Variants in QTMAN observed in about 807,000 individuals in gnomAD.
QTMAN encodes the protein tRNA-queuosine alpha-mannosyltransferase.
At chr2:144,204,165 GA>G in the QTMAN span, among the ~76,000 whole-genome samples, 1 of 152,186 alleles carries the variant, frequency 6.6e-6, no homozygotes, top group Admixed American at 6.5e-5. Context: ...TTAAACTAAA[GA>G]GCTTCTGCAC....
the QTMAN span, chr2:144,146,017 A>AAAAAAAAAC: frequency 4.9e-6 from 1 of 202,170 alleles, no homozygotes; most frequent in East Asian, 9.4e-5. Context: ...AAAAAAAAAA[A>AAAAAAAAAC]AGCCGGATGG....
chr2:144,215,248 T>TAA, the QTMAN span, among the ~76,000 whole-genome samples: 2 of 147,558 alleles, frequency 1.4e-5, no homozygotes, highest in African/African-American at 5.1e-5. Context: ...TCTTTATTTT[T>TAA]TAAAAAAAAA....
chr2:144,175,670 CAGAGAG>C, the QTMAN span, among the ~76,000 whole-genome samples: 6,854 of 148,302 alleles, frequency 0.046, 508 homozygotes, highest in African/African-American at 0.16. Context: ...TATATATTTA[CAGAGAG>C]AGAGAGAGAG....
chr2:144,023,085 C>G, the QTMAN span, among the ~76,000 whole-genome samples: 1 of 151,822 alleles, frequency 6.6e-6, no homozygotes, highest in Admixed American at 6.6e-5. Context: ...GAATCTAATC[C>G]TATAGGAAGT....
chr2:143,940,284 GCT>G, the QTMAN span: 8 of 152,190 alleles, frequency 5.3e-5, no homozygotes, highest in Non-Finnish European at 1.0e-4. Context: ...ACTATGAGCA[GCT>G]CTGTTTCTCA....
the QTMAN span, among the ~76,000 whole-genome samples, chr2:144,051,003 A>G: frequency 6.6e-6 from 1 of 152,176 alleles, no homozygotes; most frequent in South Asian, 2.1e-4. Flanking sequence ...GTGATTATTA[A>G]GTTGTAGAAC....
At chr2:144,213,974 G>T in the QTMAN span, among the ~76,000 whole-genome samples, 1 of 152,022 alleles carries the variant, frequency 6.6e-6, no homozygotes, top group Non-Finnish European at 1.5e-5. Context: ...AATAGGGCAG[G>T]GGTGAGAAAA....
At chr2:144,178,700 C>A in the QTMAN span, 1 of 257,984 alleles carries the variant, frequency 3.9e-6, no homozygotes. Flanking sequence ...CTATTCATCC[C>A]CTCAGGTAGG....
At chr2:144,064,668 C>A in the QTMAN span, among the ~76,000 whole-genome samples, 3 of 152,090 alleles carry the variant, frequency 2.0e-5, no homozygotes, top group African/African-American at 7.2e-5. Flanking sequence ...ATGATTAGGG[C>A]AAGCTTTATA....
chr2:144,192,154 T>G, the QTMAN span, among the ~76,000 whole-genome samples: 3 of 152,074 alleles, frequency 2.0e-5, no homozygotes, highest in Non-Finnish European at 4.4e-5. Context: ...TTGCCCAGAC[T>G]GAAGTACAGT....
the QTMAN span, among the ~76,000 whole-genome samples, chr2:144,281,994 G>A: frequency 1.3e-5 from 2 of 152,050 alleles, no homozygotes; most frequent in African/African-American, 4.8e-5. Flanking sequence ...AGAATCACCC[G>A]GAAGGCTTGT....
At chr2:144,221,605 A>G in the QTMAN span, among the ~76,000 whole-genome samples, 1 of 152,200 alleles carries the variant, frequency 6.6e-6, no homozygotes, top group African/African-American at 2.4e-5. Flanking sequence ...TCTTCATTGA[A>G]TATGTTTCAA....
At chr2:144,179,480 T>A in the QTMAN span, among the ~76,000 whole-genome samples, 2 of 152,302 alleles carry the variant, frequency 1.3e-5, no homozygotes, top group East Asian at 3.9e-4. Context: ...GATTTAGATA[T>A]ATTTTTCAAC....
the QTMAN span, among the ~76,000 whole-genome samples, chr2:144,332,878 C>T: frequency 1.3e-5 from 2 of 152,212 alleles, no homozygotes; most frequent in Admixed American, 6.5e-5. Flanking sequence ...GCATAGTCAC[C>T]TTCTCTTTCC....
the QTMAN span, among the ~76,000 whole-genome samples, chr2:144,060,668 G>A: frequency 6.6e-6 from 1 of 152,160 alleles, no homozygotes; most frequent in Non-Finnish European, 1.5e-5. Flanking sequence ...TTGTAGGCAG[G>A]AGCTATTTTG....
At chr2:144,171,872 C>T in the QTMAN span, among the ~76,000 whole-genome samples, 8 of 152,054 alleles carry the variant, frequency 5.3e-5, no homozygotes. Context: ...CTAAAATACA[C>T]ACATGTACTT....
the QTMAN span, among the ~76,000 whole-genome samples, chr2:144,034,350 C>A: frequency 6.6e-6 from 1 of 152,204 alleles, no homozygotes; most frequent in Non-Finnish European, 1.5e-5. Context: ...TCCTCTCGCA[C>A]TTGTTATTAT....
the QTMAN span, among the ~76,000 whole-genome samples, chr2:143,965,442 T>C: frequency 6.6e-6 from 1 of 152,124 alleles, no homozygotes. Context: ...GGCAGGTGAT[T>C]TTATTATTAT....
At chr2:144,330,553 T>C in the QTMAN span, among the ~76,000 whole-genome samples, 1 of 152,232 alleles carries the variant, frequency 6.6e-6, no homozygotes, top group East Asian at 1.9e-4. Flanking sequence ...AGATAATTGC[T>C]AATTCAAAAA....
Sources: allele counts gnomAD v4.1 joint callset (sites outside exome capture counted in the v4.1 genomes callset), GRCh38; gene constraint gnomAD v4.1.1; transcripts MANE v1.5; gene names NCBI Gene and HGNC (gene_info 2026-07-23, HGNC 2026-07-21).